RALGAPA2: variants seen among roughly 807,000 people sequenced by gnomAD.
RALGAPA2 encodes the protein Ral GTPase activating protein catalytic subunit alpha 2, also known as ral GTPase-activating protein subunit alpha-2.
Under a neutral mutation model 230.4 loss-of-function variants are expected in RALGAPA2, and 139 were observed. The ratio of observed to expected loss-of-function variants is 0.60; its 90% CI spans 0.53 to 0.69. The LOEUF (loss-of-function observed/expected upper bound fraction) is 0.69. Ranked by LOEUF, RALGAPA2 falls within the 30% of genes least tolerant of loss-of-function variation. The pLI, the probability that RALGAPA2 is intolerant of heterozygous loss-of-function variation, is 0.00. For missense variants in RALGAPA2, 2,163 were observed against 2,276.0 expected (o/e 0.95, Z 1.01); for synonymous variants, 847 against 837.8 (o/e 1.01, Z -0.19).
At chr20:20,557,279 A>G (rs1376028256) in intron 23 of RALGAPA2, among the ~76,000 whole-genome samples, 2 of 152,196 alleles carry the variant, frequency 1.3e-5, no homozygotes, top group Non-Finnish European at 2.9e-5. Flanking sequence ...ACTGCACTCC[A>G]GCCTGGGCGA....
intron 3 of RALGAPA2, among the ~76,000 whole-genome samples, chr20:20,661,828 T>C (rs2067791407): frequency 6.6e-6 from 1 of 152,116 alleles, no homozygotes; most frequent in Non-Finnish European, 1.5e-5. Context: ...GCAATATTAA[T>C]ATCAAGTAAA....
chr20:20,518,528 T>C (rs1312192967), intron 31 of RALGAPA2, among the ~76,000 whole-genome samples: 1 of 152,208 alleles, frequency 6.6e-6, no homozygotes, highest in Non-Finnish European at 1.5e-5. Context: ...TGCACACCAA[T>C]ATGTTTTTAA....
chr20:20,492,018 G>C (rs971166492), intron 36 of RALGAPA2, among the ~76,000 whole-genome samples: 1 of 152,138 alleles, frequency 6.6e-6, no homozygotes, highest in Non-Finnish European at 1.5e-5. Flanking sequence ...ATATTTAAGG[G>C]AGGTGTATGG....
chr20:20,675,695 C>A (rs1018101443), intron 3 of RALGAPA2, among the ~76,000 whole-genome samples: 2 of 152,062 alleles, frequency 1.3e-5, no homozygotes, highest in Non-Finnish European at 2.9e-5. Context: ...ATGATCAATG[C>A]ACACAGATAT....
At chr20:20,611,647 A>C (rs2065978918) in intron 13 of RALGAPA2, among the ~76,000 whole-genome samples, 1 of 152,228 alleles carries the variant, frequency 6.6e-6, no homozygotes, top group South Asian at 2.1e-4. Flanking sequence ...CCATGTCCAC[A>C]CAAACAGGCA....
intron 1 of RALGAPA2, among the ~76,000 whole-genome samples, chr20:20,681,325 C>T (rs965781060): frequency 6.6e-6 from 1 of 152,174 alleles, no homozygotes; most frequent in Non-Finnish European, 1.5e-5. Flanking sequence ...GCTCCCCAAC[C>T]ACAAGCTTCT....
intron 37 of RALGAPA2, among the ~76,000 whole-genome samples, chr20:20,465,149 T>TCACACACACACACACACA (rs74180992): frequency 0.023 from 2,484 of 109,106 alleles, 96 homozygotes; most frequent in East Asian, 0.044. Context: ...CCGCAGGCCT[T>TCACACACACACACACACA]CACACACACA....
At chr20:20,615,946 G>C in intron 13 of RALGAPA2, 97 bp downstream of exon 13, 1 of 1,016,838 alleles carries the variant, frequency 9.8e-7, no homozygotes, top group Non-Finnish European at 1.3e-6. Flanking sequence ...TGTTAAGTTC[G>C]TAAAAACATT....
chr20:20,505,060 T>C (rs983140250), intron 34 of RALGAPA2: 5 of 985,278 alleles, frequency 5.1e-6, no homozygotes, highest in Non-Finnish European at 6.0e-6. Context: ...ATCAAGTCAT[T>C]GACTTCTTCT....
chr20:20,487,484 T>C (rs937854583), intron 36 of RALGAPA2, among the ~76,000 whole-genome samples: 1 of 152,222 alleles, frequency 6.6e-6, no homozygotes, highest in African/African-American at 2.4e-5. Flanking sequence ...GCCCCTGGAC[T>C]GTGACCTTCA....
At chr20:20,408,140 T>G (rs556329503) in intron 38 of RALGAPA2, among the ~76,000 whole-genome samples, 8 of 152,258 alleles carry the variant, frequency 5.3e-5, no homozygotes, top group Non-Finnish European at 1.2e-4. Flanking sequence ...ATACGTAGTA[T>G]TGGCATCTTC....
rs763135287 is a variant in RALGAPA2 at position 20,620,448 on chromosome 20, A to T, written c.1401+15T>A. Reference sequence around the variant, plus strand: ...ATATTTACCCTCAACTCAAAAGACAAGTGAAAAAAATTACCTCCTTGCTAT... The same window carrying T: ...ATATTTACCCTCAACTCAAAAGACATGTGAAAAAAATTACCTCCTTGCTAT... On this transcript the variant is annotated intron_variant, in intron 11 of 39. Transcript: ENST00000202677. The T allele has an allele frequency of 6.2e-7, 1 of 1,611,808 alleles. No individual in the cohort carries two copies. Among genetic ancestry groups the T allele is most frequent in the Non-Finnish European group, 8.5e-7 (1 of 1,178,768 alleles).
chr20:20,577,312 G>C (rs2064851884), intron 20 of RALGAPA2, among the ~76,000 whole-genome samples: 1 of 152,108 alleles, frequency 6.6e-6, no homozygotes, highest in South Asian at 2.1e-4. Flanking sequence ...ACTATAATAA[G>C]CTATGCTTAT....
At chr20:20,399,700 T>C (rs2059792944) in intron 38 of RALGAPA2, among the ~76,000 whole-genome samples, 1 of 152,190 alleles carries the variant, frequency 6.6e-6, no homozygotes, top group South Asian at 2.1e-4. Context: ...TGTGTTGTGT[T>C]ATGTGCGGCT....
At chr20:20,654,093 G>A (rs2067500649) in intron 3 of RALGAPA2, among the ~76,000 whole-genome samples, 1 of 152,042 alleles carries the variant, frequency 6.6e-6, no homozygotes, top group Non-Finnish European at 1.5e-5. Flanking sequence ...GAAATTAATG[G>A]CCAAAAAAAC....
At chr20:20,439,498 C>T (rs986290865) in intron 37 of RALGAPA2, among the ~76,000 whole-genome samples, 13 of 152,120 alleles carry the variant, frequency 8.5e-5, no homozygotes, top group African/African-American at 3.1e-4. Flanking sequence ...TAGGTGTGAG[C>T]GACCACACCC....
chr20:20,425,376 C>T (rs1602331766), intron 37 of RALGAPA2, among the ~76,000 whole-genome samples: 1 of 152,172 alleles, frequency 6.6e-6, no homozygotes, highest in Non-Finnish European at 1.5e-5. Context: ...AATTCCTTTT[C>T]ATGGTATTTA....
chr20:20,414,990 A>T (rs2060137916), intron 37 of RALGAPA2, among the ~76,000 whole-genome samples: 1 of 152,244 alleles, frequency 6.6e-6, no homozygotes. Flanking sequence ...TGACAAAGAG[A>T]AAACAAATAT....
Position 20,521,075 on chromosome 20 carries a change from G to A in RALGAPA2, c.3926C>T (p.Ser1309Leu), listed in dbSNP as rs770005503. Reference sequence around the variant, plus strand: ...GTGACTCTGTTGGGTGTACGTGCTTGAGCCACACACACAGCAGTGCAAAAC... The same window carrying A: ...GTGACTCTGTTGGGTGTACGTGCTTAAGCCACACACACAGCAGTGCAAAAC... ...YRVLHCCVCG[S>L]STYTQQSHYI... The change falls in exon 31 of 40, where the codon TCA (serine) becomes TTA (leucine). Residue 1309 changes from serine to leucine, a missense_variant. Physicochemically the swap from Ser to Leu is moderately radical, Grantham distance 145. Coordinates refer to ENST00000202677, the MANE Select transcript of RALGAPA2 (RefSeq NM_020343.4). 3.1e-6 allele frequency: 5 copies of A among 1,612,804 alleles called. No homozygotes were observed. The highest frequency in any genetic ancestry group is 1.7e-5 in the Admixed American group (1 of 59,972).
Sources: allele counts gnomAD v4.1 joint callset (sites outside exome capture counted in the v4.1 genomes callset), GRCh38; gene constraint gnomAD v4.1.1; transcripts MANE v1.5; gene names NCBI Gene and HGNC (gene_info 2026-07-23, HGNC 2026-07-21).